WDFY1: variants seen among roughly 807,000 people sequenced by gnomAD.
The protein encoded by WDFY1 is WD repeat and FYVE domain-containing protein 1.
A neutral mutation model predicts 56.4 loss-of-function variants in WDFY1; 32 were observed. That is an observed-to-expected ratio of 0.57 (90% CI 0.43 to 0.76). The LOEUF (loss-of-function observed/expected upper bound fraction) is 0.76. WDFY1 is among the 30% of genes least tolerant of loss of function. The pLI, the probability that WDFY1 is intolerant of heterozygous loss-of-function variation, is 0.00. For synonymous variants in WDFY1, 192 were observed against 197.3 expected, an observed-to-expected ratio of 0.97 and a Z score of 0.23; for missense variants, 480 against 545.7, an observed-to-expected ratio of 0.88 and a Z score of 1.20.
intron 3 of WDFY1, among the ~76,000 whole-genome samples, chr2:223,909,299 G>A (rs1309540026): frequency 1.3e-5 from 2 of 151,998 alleles, no homozygotes; most frequent in South Asian, 2.1e-4. Context: ...CTTACATAAC[G>A]TGGTCTGGGC....
intron 1 of WDFY1, among the ~76,000 whole-genome samples, chr2:223,920,308 G>A (rs573857441): frequency 6.6e-6 from 1 of 152,364 alleles, no homozygotes; most frequent in South Asian, 2.1e-4. Context: ...ACTGCACCCA[G>A]CAGGCTGGGC....
chr2:223,911,684 A>G (rs1693705867), intron 3 of WDFY1, among the ~76,000 whole-genome samples: 1 of 151,708 alleles, frequency 6.6e-6, no homozygotes, highest in African/African-American at 2.4e-5. Flanking sequence ...TATTCACTCT[A>G]TGAAGGCTAT....
intron 1 of WDFY1, among the ~76,000 whole-genome samples, chr2:223,941,281 TA>T (rs1689299580): frequency 1.3e-5 from 2 of 151,826 alleles, no homozygotes; most frequent in Admixed American, 1.3e-4. Flanking sequence ...TTTTTTAATT[TA>T]AAAAACAAAA....
At chr2:223,918,141 C>A in intron 1 of WDFY1, 131 bp from the exon 2 acceptor site, 1 of 793,344 alleles carries the variant, frequency 1.3e-6, no homozygotes. Context: ...ACTGGACAAA[C>A]TGGACAAATA....
rs1302413964 is a variant in WDFY1 at position 223,901,481 on chromosome 2, CA to C, written c.335-149del. The C allele has an allele frequency of 2.1e-5, 20 of 961,032 alleles. No homozygotes were observed. In the Admixed American group the frequency reaches 5.0e-4, roughly 24 times the overall value. The allele number at this position is 961,032 out of a possible 1,614,324, so 59.5% of individuals were successfully genotyped here. ...ATGCCTGTCCTCTGTGAGTATATTT[CA>C]GACAACCCGCCCCAGCTCAACAACT... On this transcript the variant is annotated intron_variant, in intron 4 of 11. Coordinates refer to ENST00000233055, the MANE Select transcript of WDFY1 (RefSeq NM_020830.5).
chr2:223,893,908 T>TACGGGACCATAGAGG (rs1693318870), intron 8 of WDFY1, among the ~76,000 whole-genome samples: 1 of 152,248 alleles, frequency 6.6e-6, no homozygotes, highest in Admixed American at 6.5e-5. Context: ...ACAATGGTGC[T>TACGGGACCATAGAGG]TCGGAGGACC....
rs1693350237 is a variant in WDFY1 at position 223,895,516 on chromosome 2, A to G, written c.713T>C (p.Leu238Pro). 1.2e-6 allele frequency: 2 copies of G among 1,613,994 alleles called. No individual in the cohort carries two copies. The highest frequency in any genetic ancestry group is 2.2e-5 in the East Asian group (1 of 44,874). ...IGGRKGRTLL[L>P]QGHHDKVQSL... ...AGTGGTCACGCACTGATGGCCCTGA[A>G]GTAACAGCGTCCGGCCTTTCCTTCC... Residue 238 changes from leucine to proline, a missense_variant, in exon 7 of 12, where the codon CTT (leucine) becomes CCT (proline). Coordinates refer to ENST00000233055, the MANE Select transcript of WDFY1 (RefSeq NM_020830.5).
intron 1 of WDFY1, among the ~76,000 whole-genome samples, chr2:223,935,233 T>A (rs190294380): frequency 6.6e-6 from 1 of 152,056 alleles, no homozygotes; most frequent in Admixed American, 6.6e-5. Flanking sequence ...CTAAATCAAG[T>A]ATAAAGACGA....
intron 10 of WDFY1, 109 bp downstream of exon 10, chr2:223,881,831 AAC>A: frequency 7.0e-7 from 1 of 1,423,474 alleles, no homozygotes; most frequent in Non-Finnish European, 9.4e-7. Context: ...ATTCAGGAGA[AAC>A]AAACACATGG....
rs556349071 is a variant in WDFY1 at position 223,921,110 on chromosome 2, C to T, written c.138-3100G>A. 2.6e-5 allele frequency among the ~76,000 whole-genome samples: 4 copies of T among 152,174 alleles called. No homozygotes were observed. In the East Asian group the frequency reaches 5.8e-4, roughly 22 times the overall value. On this transcript the variant is annotated intron_variant, in intron 1 of 11. Transcript: ENST00000233055. ...ACTTTCTAGGGGAACATCAAGGCTCCGGGTGTTGGTAACCATGGATATATG... is the reference window on the plus strand; with the variant it reads ...ACTTTCTAGGGGAACATCAAGGCTCTGGGTGTTGGTAACCATGGATATATG...
intron 7 of WDFY1, among the ~76,000 whole-genome samples, chr2:223,894,942 GAAAGA>G (rs1199201303): frequency 6.6e-6 from 1 of 152,160 alleles, no homozygotes; most frequent in African/African-American, 2.4e-5. Flanking sequence ...AGCCAAAAAG[GAAAGA>G]AAAGAAAGCA....
At chr2:223,908,797 G>C (rs1214199906) in intron 3 of WDFY1, among the ~76,000 whole-genome samples, 4 of 152,118 alleles carry the variant, frequency 2.6e-5, no homozygotes, top group Non-Finnish European at 4.4e-5. Context: ...CCCCAAAAAA[G>C]ATCAGCATCT....
chr2:223,920,832 C>T (rs953715560), intron 1 of WDFY1, among the ~76,000 whole-genome samples: 5 of 152,212 alleles, frequency 3.3e-5, no homozygotes, highest in Admixed American at 3.3e-4. Flanking sequence ...GTGGCTGAAC[C>T]GTACGGAAGA....
chr2:223,906,887 C>CA (rs1350247268), intron 3 of WDFY1, among the ~76,000 whole-genome samples: 9 of 151,360 alleles, frequency 5.9e-5, no homozygotes, highest in East Asian at 1.9e-4. Flanking sequence ...TGTTTTATTG[C>CA]AAAAAAATCA....
chr2:223,918,139 AACTGG>A, intron 1 of WDFY1, 129 bp from the exon 2 acceptor site: 1 of 803,850 alleles, frequency 1.2e-6, no homozygotes, highest in Non-Finnish European at 2.0e-6. Flanking sequence ...TAACTGGACA[AACTGG>A]ACAAATATAT....
chr2:223,924,134 G>C (rs1467001206), intron 1 of WDFY1, among the ~76,000 whole-genome samples: 2 of 152,166 alleles, frequency 1.3e-5, no homozygotes, highest in Non-Finnish European at 2.9e-5. Flanking sequence ...TTTTCCAAAA[G>C]ATCCTTAGAA....
chr2:223,940,645 C>T (rs1435681901), intron 1 of WDFY1, among the ~76,000 whole-genome samples: 65 of 144,834 alleles, frequency 4.5e-4, no homozygotes, highest in African/African-American at 1.6e-3. Context: ...TTATTTCTTT[C>T]TTTTTTTTTT....
chr2:223,936,647 G>A (rs1471898584), intron 1 of WDFY1, among the ~76,000 whole-genome samples: 1 of 152,206 alleles, frequency 6.6e-6, no homozygotes, highest in Non-Finnish European at 1.5e-5. Context: ...TTGGCCCTTG[G>A]CAGGTGTCTG....
chr2:223,922,791 C>T (rs944993333), intron 1 of WDFY1, among the ~76,000 whole-genome samples: 2 of 152,152 alleles, frequency 1.3e-5, no homozygotes, highest in African/African-American at 4.8e-5. Context: ...TTGTCTCTTC[C>T]AACCAAGTAT....
Sources: allele counts gnomAD v4.1 joint callset (sites outside exome capture counted in the v4.1 genomes callset), GRCh38; gene constraint gnomAD v4.1.1; transcripts MANE v1.5; gene names NCBI Gene and HGNC (gene_info 2026-07-23, HGNC 2026-07-21).